MFSD6: variants seen among roughly 807,000 people sequenced by gnomAD.
MFSD6 encodes major facilitator superfamily domain containing 6, also known as major facilitator superfamily domain-containing protein 6.
In MFSD6, 26 loss-of-function variants were observed where a neutral mutation model predicts 56.3. The ratio of observed to expected loss-of-function variants is 0.46; its 90% CI spans 0.34 to 0.64. The LOEUF is 0.64. MFSD6 is among the 30% of genes least tolerant of loss of function. The pLI, the probability that MFSD6 is intolerant of heterozygous loss-of-function variation, is 0.01. For synonymous variants in MFSD6, 331 were observed against 366.9 expected (o/e 0.90, Z 1.12); for missense variants, 750 against 986.2 (o/e 0.76, Z 3.21).
Position 190,489,859 on chromosome 2 carries a change from G to GGAA in MFSD6, c.1889_1891dup (p.Glu630dup). The stretch of plus-strand genomic sequence containing the variant: ...TCCAGTGGCTGGCAGTGCCAGATGA[G>GGAA]GAAGAAGGTAATTATTTCCATTCTT... On this transcript the variant is annotated inframe_insertion, in exon 6 of 8. Transcript: ENST00000392328. The surrounding 1 kb of genome is among the most constrained non-coding windows in gnomAD (Gnocchi z 6.6). The GGAA allele has an allele frequency of 6.2e-7, 1 of 1,613,658 alleles. No homozygotes were observed. Among genetic ancestry groups the GGAA allele is most frequent in the Non-Finnish European group, 8.5e-7 (1 of 1,179,686 alleles).
At chr2:190,477,218 A>G (rs62181031) in intron 4 of MFSD6, 286,424 of 962,048 alleles carry the variant, frequency 0.3, 45,022 homozygotes, top group South Asian at 0.34. Context: ...AATAATAACA[A>G]TGCATTAAAC....
intron 1 of MFSD6, chr2:190,411,332 AT>A (rs917860329): frequency 1.1e-5 from 5 of 445,622 alleles, no homozygotes; most frequent in Non-Finnish European, 1.5e-5. Context: ...GCTAATTTTT[AT>A]TTTTTTAGTA....
intron 4 of MFSD6, among the ~76,000 whole-genome samples, chr2:190,480,864 A>C (rs1574221753): frequency 6.6e-6 from 1 of 152,242 alleles, no homozygotes; most frequent in African/African-American, 2.4e-5. Flanking sequence ...ATACAATACA[A>C]AAAAGTAAAA....
chr2:190,449,755 A>G (rs1194164044), intron 3 of MFSD6, among the ~76,000 whole-genome samples: 4 of 152,280 alleles, frequency 2.6e-5, no homozygotes, highest in South Asian at 2.1e-4. Context: ...TCAGTAAACT[A>G]TCGCAAGAAC....
rs906494596 is a variant in MFSD6, at chr2:190,458,033, C to G, written c.1533-11725C>G. Among the ~76,000 whole-genome samples, 3 of 152,140 alleles carry G rather than the reference C, an allele frequency of 2.0e-5. No individual in the cohort carries two copies. The East Asian group carries it at 5.8e-4, about 29-fold the overall frequency. On this transcript the variant is annotated intron_variant, in intron 3 of 7. Coordinates refer to ENST00000392328, the MANE Select transcript of MFSD6 (RefSeq NM_017694.4). The surrounding 1 kb of genome is among the most constrained non-coding windows in gnomAD (Gnocchi z 5.3). Reference sequence around the variant, plus strand: ...CTCTAAGGATACAGCCTCACTCTGACTGTTGAGGCCCGAGGAAGCTGCCAG... The same window carrying G: ...CTCTAAGGATACAGCCTCACTCTGAGTGTTGAGGCCCGAGGAAGCTGCCAG...
At chr2:190,472,466 C>T (rs1688005771) in intron 4 of MFSD6, among the ~76,000 whole-genome samples, 1 of 152,094 alleles carries the variant, frequency 6.6e-6, no homozygotes, top group Non-Finnish European at 1.5e-5. Context: ...CTGATTTGAT[C>T]ATCTGGAAGA....
rs1219231718 is a variant in MFSD6, at chr2:190,433,789, A to T, written c.-53-2188A>T. Among the ~76,000 whole-genome samples the T allele has an allele frequency of 6.6e-6, 1 of 152,234 alleles. No homozygotes were observed. Among genetic ancestry groups the T allele is most frequent in the Admixed American group, 6.5e-5 (1 of 15,282 alleles). On this transcript the variant is annotated intron_variant, in intron 2 of 7. Transcript: ENST00000392328. The surrounding 1 kb of genome is among the most constrained non-coding windows in gnomAD (Gnocchi z 4.5). ...TTTGTAGAGATTAAAAAATGCTTAC[A>T]AGTATAATTTTAGAAGGTTTTTCAG...
rs1408868011 is a variant in MFSD6 at position 190,436,159 on chromosome 2, A to G, written c.130A>G (p.Thr44Ala). ...EPPSNETPSS[T>A]ETSAIPEEEI... ...ACCTTCGAATGAAACACCTTCCTCC[A>G]CAGAAACATCTGCTATTCCTGAGGA... Residue 44 changes from threonine (T) to alanine (A), a missense_variant, in exon 3 of 8, where the codon ACA becomes GCA. By Grantham distance (58) the Thr-to-Ala change is moderately conservative. Transcript: ENST00000392328. The surrounding 1 kb of genome is among the most constrained non-coding windows in gnomAD (Gnocchi z 5.3). 1.9e-6 allele frequency: 3 copies of G among 1,614,002 alleles called. No homozygotes were observed. The highest frequency in any genetic ancestry group is 2.5e-6 in the Non-Finnish European group (3 of 1,179,942).
rs1432367370 is a variant in MFSD6, at chr2:190,457,241, T to C, written c.1533-12517T>C. Among the ~76,000 whole-genome samples the C allele has an allele frequency of 6.6e-6, 1 of 152,206 alleles. No homozygotes were observed. Among genetic ancestry groups the C allele is most frequent in the Non-Finnish European group, 1.5e-5 (1 of 68,042 alleles). Reference sequence around the variant, plus strand: ...CTTGACTTCCACTGGCCAACCGACTTTGTGGCCCCGGTCCACCCCTGTGGC... The same window carrying C: ...CTTGACTTCCACTGGCCAACCGACTCTGTGGCCCCGGTCCACCCCTGTGGC... On this transcript the variant is annotated intron_variant, in intron 3 of 7. Coordinates refer to ENST00000392328, the MANE Select transcript of MFSD6 (RefSeq NM_017694.4). The surrounding 1 kb of genome is among the most constrained non-coding windows in gnomAD (Gnocchi z 5.1).
Position 190,443,189 on chromosome 2 carries a change from G to GA in MFSD6, c.1532+5636dup, listed in dbSNP as rs1245333468. Among the ~76,000 whole-genome samples, 2 of 151,836 alleles carry GA rather than the reference G, an allele frequency of 1.3e-5. No individual in the cohort carries two copies. The highest frequency in any genetic ancestry group is 2.9e-5 in the Non-Finnish European group (2 of 67,930). The stretch of plus-strand genomic sequence containing the variant: ...GTGGGCCTAAGACATAAGCAAGGGA[G>GA]AAAAAAAATAAAAGGAACAGGACTT... On this transcript the variant is annotated intron_variant, in intron 3 of 7. Transcript: ENST00000392328. The surrounding 1 kb of genome is among the most constrained non-coding windows in gnomAD (Gnocchi z 4.2).
rs1163990963 is a variant in MFSD6 at position 190,433,267 on chromosome 2, G to A, written c.-53-2710G>A. 1 of 152,084 alleles carries A rather than the reference G, an allele frequency of 6.6e-6. No homozygotes were observed. Among genetic ancestry groups the A allele is most frequent in the Non-Finnish European group, 1.5e-5 (1 of 68,012 alleles). 9.4% of individuals were successfully genotyped at this position (152,084 alleles called of 1,614,324 possible). ...CAAGAAATGTTTCTTTGAATTTTGA[G>A]CTCAGGAATTAAATTAATTTAGAAA... On this transcript the variant is annotated intron_variant, in intron 2 of 7. Coordinates refer to ENST00000392328, the MANE Select transcript of MFSD6 (RefSeq NM_017694.4). This position sits in a 1 kb window ranked among gnomAD's most constrained non-coding sequence, Gnocchi z 4.5.
chr2:190,488,421 G>T lies in MFSD6; in HGVS notation c.1631-236G>T, dbSNP rs1010575466. Among the ~76,000 whole-genome samples the T allele has an allele frequency of 2.0e-5, 3 of 152,178 alleles. No individual in the cohort carries two copies. Among genetic ancestry groups the T allele is most frequent in the African/African-American group, 4.8e-5 (2 of 41,444 alleles). On this transcript the variant is annotated intron_variant, in intron 4 of 7. Transcript: ENST00000392328. The surrounding 1 kb of genome is among the most constrained non-coding windows in gnomAD (Gnocchi z 6.4). Reference sequence around the variant, plus strand: ...ATGGTTTAAGGGGTACAGAATTTTTGTTGTGGTGGTGAAAAAGTTCTGGAG... The same window carrying T: ...ATGGTTTAAGGGGTACAGAATTTTTTTTGTGGTGGTGAAAAAGTTCTGGAG...
chr2:190,479,165 T>C (rs1226311025), intron 4 of MFSD6, among the ~76,000 whole-genome samples: 3 of 152,196 alleles, frequency 2.0e-5, no homozygotes, highest in African/African-American at 7.2e-5. Context: ...CAAGCCTTTA[T>C]TGGGGGATCA....
At chr2:190,479,909 C>T (rs1161717369) in intron 4 of MFSD6, among the ~76,000 whole-genome samples, 3 of 152,002 alleles carry the variant, frequency 2.0e-5, no homozygotes, top group South Asian at 2.1e-4. Context: ...ATTTATAAAG[C>T]GTTATTCTGT....
At chr2:190,482,864 TCATC>T (rs1384788344) in intron 4 of MFSD6, among the ~76,000 whole-genome samples, 1 of 125,782 alleles carries the variant, frequency 8.0e-6, no homozygotes, top group African/African-American at 2.9e-5. Context: ...ATTAAGACTA[TCATC>T]TTTTTTTTTT....
chr2:190,430,588 G>A (rs1007177801), intron 2 of MFSD6, among the ~76,000 whole-genome samples: 6 of 152,062 alleles, frequency 3.9e-5, no homozygotes, highest in African/African-American at 1.4e-4. Flanking sequence ...AAAATGAAAA[G>A]TCTCCCATGT....
In MFSD6 at chr2:190,443,236, G is replaced by T. The variant is rs560547871; in HGVS notation, c.1532+5675G>T. On this transcript the variant is annotated intron_variant, in intron 3 of 7. Coordinates refer to ENST00000392328, the MANE Select transcript of MFSD6 (RefSeq NM_017694.4). The surrounding 1 kb of genome is among the most constrained non-coding windows in gnomAD (Gnocchi z 4.2). ...ACTTTAAGGATTGTATGGTGGTTAC[G>T]AGCAGAGGCTGAGTCAGATTGCCTG... Among the ~76,000 whole-genome samples the T allele has an allele frequency of 1.3e-5, 2 of 152,140 alleles. No individual in the cohort carries two copies. Among genetic ancestry groups the T allele is most frequent in the Non-Finnish European group, 2.9e-5 (2 of 68,026 alleles).
rs4283453 is a variant in MFSD6 at position 190,458,412 on chromosome 2, C to A, written c.1533-11346C>A. The stretch of plus-strand genomic sequence containing the variant: ...AGGGAGAGGATGACTTGTCTGCAAG[C>A]CAACGAGAGGGGCCCTGGAGAAACC... On this transcript the variant is annotated intron_variant, in intron 3 of 7. Coordinates refer to ENST00000392328, the MANE Select transcript of MFSD6 (RefSeq NM_017694.4). The surrounding 1 kb of genome is among the most constrained non-coding windows in gnomAD (Gnocchi z 5.3). Among the ~76,000 whole-genome samples the A allele has an allele frequency of 6.6e-6, 1 of 152,010 alleles. No homozygotes were observed. The highest frequency in any genetic ancestry group is 6.5e-5 in the Admixed American group (1 of 15,276).
rs1156448614 is a variant in MFSD6 at position 190,436,501 on chromosome 2, A to G, written c.472A>G (p.Arg158Gly). The G allele has an allele frequency of 1.9e-6, 3 of 1,614,058 alleles. No individual in the cohort carries two copies. Among genetic ancestry groups the G allele is most frequent in the African/African-American group, 2.7e-5 (2 of 74,912 alleles). Residue 158 changes from arginine (R) to glycine (G), a missense_variant, in exon 3 of 8, where the codon AGA becomes GGA. This residue lies in a region of MFSD6 where 376 missense variants were observed against 437.9 expected (regional missense o/e 0.86). Coordinates refer to ENST00000392328, the MANE Select transcript of MFSD6 (RefSeq NM_017694.4). The surrounding 1 kb of genome is among the most constrained non-coding windows in gnomAD (Gnocchi z 5.3). Reference protein sequence around the residue: ...GIGFVKPATLRCVPKIRPTTH... With the variant: ...GIGFVKPATLGCVPKIRPTTH... The stretch of plus-strand genomic sequence containing the variant: ...TGGATTTGTCAAACCTGCTACCTTG[A>G]GATGTGTACCAAAGATTCGCCCAAC...
Sources: gnomAD v4.1 joint callset for allele counts (sites outside exome capture counted in the v4.1 genomes callset) on GRCh38, gnomAD v4.1.1 for gene constraint, gnomAD v4.1.1 regional missense constraint, Gnocchi (gnomAD v3.1) non-coding constraint, MANE v1.5 for transcripts, NCBI Gene and HGNC (gene_info 2026-07-23, HGNC 2026-07-21) for gene names.